AKAP7: variants seen among roughly 807,000 people sequenced by gnomAD.
AKAP7 encodes the protein A-kinase anchoring protein 7.
AKAP7 carries 39 observed loss-of-function variants against 39.5 expected under a neutral mutation model. That is an observed-to-expected ratio of 0.99 (90% CI 0.76 to 1.29). The LOEUF is 1.29. Ranked by LOEUF, AKAP7 falls within the 50% of genes most tolerant of loss-of-function variation. The probability of loss-of-function intolerance (pLI) is 0.00; values close to 1 mark genes in which losing one functional copy is unlikely to be tolerated. For synonymous variants in AKAP7, 140 were observed against 139.1 expected (o/e 1.01, Z -0.05); for missense variants, 414 against 407.7 (o/e 1.02, Z -0.13).
intron 7 of AKAP7, among the ~76,000 whole-genome samples, chr6:131,243,827 A>T (rs982911706): frequency 2.0e-5 from 3 of 152,112 alleles, no homozygotes; most frequent in African/African-American, 7.2e-5. Flanking sequence ...AAATCTTCTC[A>T]TTGGGCCCTG....
At chr6:131,245,781 T>G (rs919920032) in intron 7 of AKAP7, among the ~76,000 whole-genome samples, 1 of 152,172 alleles carries the variant, frequency 6.6e-6, no homozygotes, top group African/African-American at 2.4e-5. Context: ...TCTCGTCTCC[T>G]AAGGCTTGGT....
intron 7 of AKAP7, among the ~76,000 whole-genome samples, chr6:131,254,722 G>C (rs925415252): frequency 1.3e-5 from 2 of 152,164 alleles, no homozygotes; most frequent in Non-Finnish European, 2.9e-5. Context: ...GCTAATGAAT[G>C]AATGCACTGA....
intron 4 of AKAP7, 32 bp from the exon 5 acceptor site, chr6:131,169,081 G>A (rs886750609): frequency 6.5e-7 from 1 of 1,538,732 alleles, no homozygotes; most frequent in Non-Finnish European, 8.9e-7. Context: ...ATTACTTAAT[G>A]TGTTACTGAA....
intron 2 of AKAP7, among the ~76,000 whole-genome samples, chr6:131,153,143 AAG>A (rs547988566): frequency 1.3e-5 from 2 of 151,538 alleles, no homozygotes; most frequent in African/African-American, 4.8e-5. Flanking sequence ...AAAAAAAAAA[AAG>A]AGAGAGAGAG....
Position 131,145,265 on chromosome 6 carries a change from CTGTT to C in AKAP7, c.20-16_20-13del. The C allele has an allele frequency of 7.4e-7, 1 of 1,355,594 alleles. No individual in the cohort carries two copies. Among genetic ancestry groups the C allele is most frequent in the Non-Finnish European group, 9.8e-7 (1 of 1,025,370 alleles). 84.0% of individuals were successfully genotyped at this position (1,355,594 alleles called of 1,614,324 possible). The stretch of plus-strand genomic sequence containing the variant: ...GACAAGTTAAATAATCCTTTTTTTT[CTGTT>C]TGTGATATGTTAAAGGAGGAATTAA... On this transcript the variant is annotated splice_polypyrimidine_tract_variant and intron_variant, in intron 1 of 7. Coordinates refer to ENST00000431975, the MANE Select transcript of AKAP7 (RefSeq NM_016377.4).
intron 6 of AKAP7, among the ~76,000 whole-genome samples, chr6:131,202,373 A>G (rs1242711547): frequency 4.8e-5 from 7 of 145,348 alleles, no homozygotes; most frequent in Admixed American, 7.0e-5. Context: ...ATGTCCAACA[A>G]TGATAGACTG....
chr6:131,162,245 C>T (rs1803042313), intron 3 of AKAP7, among the ~76,000 whole-genome samples: 1 of 152,214 alleles, frequency 6.6e-6, no homozygotes, highest in Non-Finnish European at 1.5e-5. Context: ...CCACTAACTT[C>T]TAGGCTTTGC....
At chr6:131,153,414 T>C (rs1046713685) in intron 2 of AKAP7, among the ~76,000 whole-genome samples, 1 of 152,242 alleles carries the variant, frequency 6.6e-6, no homozygotes, top group Non-Finnish European at 1.5e-5. Flanking sequence ...AGACAAACCA[T>C]GTCCTACTTT....
chr6:131,125,793 T>A, the AKAP7 span, among the ~76,000 whole-genome samples: 1 of 152,230 alleles, frequency 6.6e-6, no homozygotes, highest in East Asian at 1.9e-4. Context: ...TTCCTCAGGA[T>A]TCAGGTAGTG....
At chr6:131,172,414 A>G (rs2128247132) in intron 5 of AKAP7, among the ~76,000 whole-genome samples, 1 of 152,152 alleles carries the variant, frequency 6.6e-6, no homozygotes, top group African/African-American at 2.4e-5. Context: ...CAGTGGTGCA[A>G]TCATGACTCA....
At chr6:131,136,020 G>A (rs1800509197) in intron 1 of AKAP7, among the ~76,000 whole-genome samples, 1 of 152,152 alleles carries the variant, frequency 6.6e-6, no homozygotes, top group Non-Finnish European at 1.5e-5. Flanking sequence ...AGGAGGCGGG[G>A]GTATGAGCCC....
At position 131,221,577 on chromosome 6, in the gene AKAP7, A is replaced by C. The variant is rs569146238; in HGVS notation, c.850+1769A>C. Among the ~76,000 whole-genome samples, 4 of 152,344 alleles carry C rather than the reference A, an allele frequency of 2.6e-5. No individual in the cohort carries two copies. In the East Asian group the frequency reaches 7.7e-4, roughly 29 times the overall value. On this transcript the variant is annotated intron_variant, in intron 7 of 7. Transcript: ENST00000431975. ...TTTCATAGCTACAGAAGAGAAGTCA[A>C]TGTCTGACTTCACAGTTTCAAAGAA...
At chr6:131,185,132 C>A in intron 5 of AKAP7, 1 of 609,772 alleles carries the variant, frequency 1.6e-6, no homozygotes. Flanking sequence ...GCAACAGAAC[C>A]TCTAAACTGC....
intron 6 of AKAP7, among the ~76,000 whole-genome samples, chr6:131,206,697 A>G (rs996310448): frequency 1.3e-5 from 2 of 152,114 alleles, no homozygotes; most frequent in African/African-American, 4.8e-5. Flanking sequence ...GTGAGCCCTG[A>G]TGTCATCTTT....
chr6:131,175,688 C>G (rs1804504514), intron 5 of AKAP7, among the ~76,000 whole-genome samples: 1 of 152,172 alleles, frequency 6.6e-6, no homozygotes, highest in African/African-American at 2.4e-5. Flanking sequence ...AAGTCACTCT[C>G]TGCCCTCCTG....
At chr6:131,257,514 A>G (rs1016963092) in intron 7 of AKAP7, among the ~76,000 whole-genome samples, 1 of 151,990 alleles carries the variant, frequency 6.6e-6, no homozygotes, top group African/African-American at 2.4e-5. Context: ...CTAATTTCCT[A>G]TGGGGAATGG....
At chr6:131,129,895 A>G in the AKAP7 span, among the ~76,000 whole-genome samples, 1 of 152,194 alleles carries the variant, frequency 6.6e-6, no homozygotes, top group Non-Finnish European at 1.5e-5. Flanking sequence ...TTTAGTTTCT[A>G]TGGGGACCAA....
rs192723544 is a variant in AKAP7 at position 131,170,290 on chromosome 6, A to G, written c.589+1017A>G. ...TGTGCACATGTACCCTAAAACTTAA[A>G]GTATAATTTAAAAAAAAAAGAAAAA... On this transcript the variant is annotated intron_variant, in intron 5 of 7. Coordinates refer to ENST00000431975, the MANE Select transcript of AKAP7 (RefSeq NM_016377.4). Among the ~76,000 whole-genome samples the G allele has an allele frequency of 1.3e-3, 167 of 128,494 alleles. 3 individuals are homozygous for G. The East Asian group carries it at 0.03, about 23-fold the overall frequency. 84.3% of individuals were successfully genotyped at this position (128,494 alleles called of 152,430 possible). A position where few individuals can be genotyped will look rare whatever the true frequency, so the allele number is the denominator to read the frequency against.
chr6:131,126,329 T>A, the AKAP7 span, among the ~76,000 whole-genome samples: 2 of 152,228 alleles, frequency 1.3e-5, no homozygotes, highest in East Asian at 1.9e-4. Flanking sequence ...ATTCCTTCAT[T>A]TCATGGGTAA....
Sources: gnomAD v4.1 joint callset for allele counts (sites outside exome capture counted in the v4.1 genomes callset) on GRCh38, gnomAD v4.1.1 for gene constraint, MANE v1.5 for transcripts, NCBI Gene and HGNC (gene_info 2026-07-23, HGNC 2026-07-21) for gene names.